Variants in TUSC3 observed in about 807,000 individuals in gnomAD.
TUSC3 encodes tumor suppressor candidate 3.
Under a neutral mutation model 44.8 loss-of-function variants are expected in TUSC3, and 45 were observed. The ratio of observed to expected loss-of-function variants is 1.00; its 90% CI spans 0.79 to 1.29. The LOEUF (loss-of-function observed/expected upper bound fraction) is 1.29. Ranked by LOEUF, TUSC3 falls within the 50% of genes most tolerant of loss-of-function variation. The probability of loss-of-function intolerance (pLI) is 0.00; values close to 1 mark genes in which losing one functional copy is unlikely to be tolerated. For synonymous variants in TUSC3, 212 were observed against 152.9 expected (o/e 1.39, Z -2.85); for missense variants, 519 against 437.9 (o/e 1.19, Z -1.65).
chr8:15,583,232 G>C (rs1020485274), intron 1 of TUSC3, among the ~76,000 whole-genome samples: 2 of 152,150 alleles, frequency 1.3e-5, no homozygotes, highest in African/African-American at 4.8e-5. Context: ...AGCCATGTAA[G>C]ACATTAAACA....
intron 2 of TUSC3, among the ~76,000 whole-genome samples, chr8:15,630,017 T>G (rs1805689870): frequency 6.6e-6 from 1 of 152,146 alleles, no homozygotes; most frequent in Non-Finnish European, 1.5e-5. Flanking sequence ...CTCCAAACTT[T>G]TTTTTTAAAT....
intron 1 of TUSC3, among the ~76,000 whole-genome samples, chr8:15,609,599 CA>C (rs1469244439): frequency 6.6e-6 from 1 of 152,028 alleles, no homozygotes; most frequent in Non-Finnish European, 1.5e-5. Context: ...TCATTTGACC[CA>C]TTTGATGACT....
At chr8:15,472,720 A>G (rs1016238295) in intron 1 of TUSC3, among the ~76,000 whole-genome samples, 10 of 152,140 alleles carry the variant, frequency 6.6e-5, no homozygotes, top group African/African-American at 2.2e-4. Context: ...TTAATTATAA[A>G]TGTTTTATTT....
chr8:15,526,044 T>TG (rs1801369098), intron 2 of TUSC3, among the ~76,000 whole-genome samples: 2 of 152,048 alleles, frequency 1.3e-5, no homozygotes, highest in South Asian at 4.1e-4. Flanking sequence ...ATTCATCTTT[T>TG]TTTTTTGAGA....
intron 1 of TUSC3, among the ~76,000 whole-genome samples, chr8:15,556,176 T>G: frequency 9.7e-6 from 1 of 102,872 alleles, no homozygotes; most frequent in Non-Finnish European, 1.8e-5. Flanking sequence ...CCCACAACAG[T>G]CCCCAGAGTG....
At chr8:15,718,533 C>G (rs1003279099) in intron 6 of TUSC3, among the ~76,000 whole-genome samples, 14 of 152,016 alleles carry the variant, frequency 9.2e-5, no homozygotes, top group African/African-American at 3.4e-4. Flanking sequence ...ATAGACCTGG[C>G]TGGGATGGGA....
chr8:15,624,541 T>G (rs575781115), intron 2 of TUSC3, among the ~76,000 whole-genome samples: 1 of 152,364 alleles, frequency 6.6e-6, no homozygotes, highest in African/African-American at 2.4e-5. Flanking sequence ...GATTTAATTT[T>G]GCATTTCCCT....
intron 2 of TUSC3, among the ~76,000 whole-genome samples, chr8:15,514,520 T>C (rs1278057208): frequency 1.3e-5 from 2 of 152,208 alleles, no homozygotes; most frequent in African/African-American, 4.8e-5. Context: ...TAGACTTACC[T>C]TACAATCATG....
intron 2 of TUSC3, among the ~76,000 whole-genome samples, chr8:15,626,155 C>G (rs1199682591): frequency 6.6e-6 from 1 of 152,158 alleles, no homozygotes; most frequent in East Asian, 1.9e-4. Flanking sequence ...CACCCCCACC[C>G]TCCTGAGCCT....
At chr8:15,727,408 A>C (rs1810540580) in intron 6 of TUSC3, among the ~76,000 whole-genome samples, 1 of 152,102 alleles carries the variant, frequency 6.6e-6, no homozygotes. Context: ...AATTTGTGTA[A>C]TTTGTAAGCT....
In TUSC3 at chr8:15,754,182, C is replaced by G. The variant is rs1214181924; in HGVS notation, c.1029-3609C>G. On this transcript the variant is annotated intron_variant, in intron 9 of 10. Coordinates refer to ENST00000503731, the MANE Select transcript of TUSC3 (RefSeq NM_006765.4). ...ATTATTCTAGAAAGAGGAAAACGCA[C>G]AACACATACTCCCGAAGGTATTTCC... Among the ~76,000 whole-genome samples, 4 of 152,054 alleles carry G rather than the reference C, an allele frequency of 2.6e-5. No individual in the cohort carries two copies. In the East Asian group the frequency reaches 7.7e-4, roughly 29 times the overall value.
intron 1 of TUSC3, among the ~76,000 whole-genome samples, chr8:15,572,175 T>A (rs1802903588): frequency 6.6e-6 from 1 of 152,212 alleles, no homozygotes; most frequent in African/African-American, 2.4e-5. Context: ...ACTCTGAACA[T>A]CCGTTGTTTA....
intron 6 of TUSC3, among the ~76,000 whole-genome samples, chr8:15,708,047 G>A (rs533352712): frequency 6.6e-6 from 1 of 151,844 alleles, no homozygotes; most frequent in Non-Finnish European, 1.5e-5. Context: ...AAGTTATAAA[G>A]ATACTCTCAT....
Position 15,673,792 on chromosome 8 carries a change from C to A in TUSC3, c.754C>A (p.Arg252Ser). ...TTCTGGCCAGATGTGGAACCATATC[C>A]GTGGACCTCCATATGCTCATAAGAA... Reference protein sequence around the residue: ...MTSGQMWNHIRGPPYAHKNPH... With the variant: ...MTSGQMWNHISGPPYAHKNPH... Residue 252 changes from arginine (R) to serine (S), a missense_variant, in exon 6 of 11, where the codon CGT becomes AGT. By Grantham distance (110) the Arg-to-Ser change is moderately radical. Coordinates refer to ENST00000503731, the MANE Select transcript of TUSC3 (RefSeq NM_006765.4). The A allele has an allele frequency of 6.2e-7, 1 of 1,612,742 alleles. No homozygotes were observed. Among genetic ancestry groups the A allele is most frequent in the East Asian group, 2.2e-5 (1 of 44,832 alleles).
At chr8:15,649,781 C>G (rs1029490730) in intron 2 of TUSC3, among the ~76,000 whole-genome samples, 11 of 152,094 alleles carry the variant, frequency 7.2e-5, no homozygotes, top group African/African-American at 1.4e-4. Context: ...GGAACTCTTT[C>G]TGCTGCTGAC....
chr8:15,481,046 G>C (rs534810779), intron 1 of TUSC3, among the ~76,000 whole-genome samples: 2 of 151,992 alleles, frequency 1.3e-5, no homozygotes, highest in Non-Finnish European at 2.9e-5. Flanking sequence ...TCAGGAGTTC[G>C]AGACCAGCCT....
intron 1 of TUSC3, among the ~76,000 whole-genome samples, chr8:15,548,655 T>A (rs1320548930): frequency 6.6e-6 from 1 of 151,872 alleles, no homozygotes. Flanking sequence ...ACCTTCCTTA[T>A]TGTTTAGCAC....
chr8:15,679,903 AACTTT>A (rs1408308233), intron 6 of TUSC3, among the ~76,000 whole-genome samples: 2 of 151,948 alleles, frequency 1.3e-5, no homozygotes, highest in African/African-American at 4.8e-5. Context: ...GTAGATGTGT[AACTTT>A]ACTTCTGGGT....
rs199667810 is a variant in TUSC3 at position 15,548,193 on chromosome 8, A to G, written c.138+7625A>G. 1.1e-4 allele frequency among the ~76,000 whole-genome samples: 16 copies of G among 151,754 alleles called. No homozygotes were observed. In the East Asian group the frequency reaches 3.1e-3, roughly 30 times the overall value. ...CCCAAACGAACGAAGACAATTGTAT[A>G]TAATTTTCACAATATCTTTGCCTGA... On this transcript the variant is annotated intron_variant, in intron 1 of 10. Coordinates refer to ENST00000503731, the MANE Select transcript of TUSC3 (RefSeq NM_006765.4).
Sources: allele counts gnomAD v4.1 joint callset (sites outside exome capture counted in the v4.1 genomes callset), GRCh38; gene constraint gnomAD v4.1.1; transcripts MANE v1.5; gene names NCBI Gene and HGNC (gene_info 2026-07-23, HGNC 2026-07-21).